SPTA1: variants seen among roughly 807,000 people sequenced by gnomAD.
SPTA1 encodes the protein spectrin alpha, erythrocytic 1, also known as spectrin alpha chain, erythrocytic 1.
A neutral mutation model predicts 324.7 loss-of-function variants in SPTA1; 177 were observed. The observed-to-expected ratio is 0.55, with a 90% CI of 0.48 to 0.62. The LOEUF (loss-of-function observed/expected upper bound fraction) is 0.62. SPTA1 is among the 20% of genes least tolerant of loss of function. The pLI, the probability that SPTA1 is intolerant of heterozygous loss-of-function variation, is 0.00. For synonymous variants in SPTA1, 1,195 were observed against 1,041.3 expected, an observed-to-expected ratio of 1.15 and a Z score of -2.84; for missense variants, 3,162 against 2,883.6, an observed-to-expected ratio of 1.10 and a Z score of -2.21.
chr1:158,677,903 A>G, intron 6 of SPTA1, 69 bp from the exon 7 acceptor site: 3 of 1,599,630 alleles, frequency 1.9e-6, no homozygotes, highest in Non-Finnish European at 1.7e-6. Flanking sequence ...GTCCAACAGA[A>G]CTCACAGCAA....
At chr1:158,639,761 C>T in intron 34 of SPTA1, 75 bp from the exon 35 acceptor site, 1 of 1,608,668 alleles carries the variant, frequency 6.2e-7, no homozygotes, top group East Asian at 2.2e-5. Context: ...GCAGCTATGT[C>T]CCCAAACTTT....
chr1:158,627,506 G>C lies in SPTA1; in HGVS notation c.5664+119C>G, dbSNP rs41523545. On this transcript the variant is annotated intron_variant, in intron 40 of 51. Coordinates refer to ENST00000643759, the MANE Select transcript of SPTA1 (RefSeq NM_003126.4). ...AACAAAAGGCAGTTTAGAAGAGATT[G>C]TTAAAGTTCTGCATATGATCTTAGC... 0.028 allele frequency: 27,237 copies of C among 975,264 alleles called. 1,083 individuals are homozygous for C. Among genetic ancestry groups the C allele is most frequent in the African/African-American group, 0.15 (9,161 of 62,608 alleles). The allele number at this position is 975,264 out of a possible 1,614,324, so 60.4% of individuals were successfully genotyped here. A position where few individuals can be genotyped will look rare whatever the true frequency, so the allele number is the denominator to read the frequency against.
chr1:158,670,203 TCTCTAG>T (rs1388550825), intron 12 of SPTA1, among the ~76,000 whole-genome samples: 1 of 152,294 alleles, frequency 6.6e-6, no homozygotes, highest in African/African-American at 2.4e-5. Flanking sequence ...TCTCCTTCTA[TCTCTAG>T]CTCTAGCTAT....
At chr1:158,626,007 G>T (rs1027487741) in intron 42 of SPTA1, 139 bp downstream of exon 42, 13 of 667,748 alleles carry the variant, frequency 1.9e-5, no homozygotes, top group East Asian at 2.9e-5. Context: ...TAATAATTAG[G>T]AAATTATTAA....
chr1:158,642,369 C>G (rs747154157), intron 33 of SPTA1, 42 bp downstream of exon 33: 1 of 1,604,588 alleles, frequency 6.2e-7, no homozygotes, highest in Non-Finnish European at 8.5e-7. Context: ...AATGATTCCT[C>G]TTCATGTGAC....
intron 50 of SPTA1, among the ~76,000 whole-genome samples, 168 bp from the exon 51 acceptor site, chr1:158,613,129 C>A (rs1649360279): frequency 6.6e-6 from 1 of 152,034 alleles, no homozygotes; most frequent in African/African-American, 2.4e-5. Context: ...TTTGGCTCCC[C>A]TTCATCACCC....
At chr1:158,660,900 T>G (rs1028273033) in intron 18 of SPTA1, among the ~76,000 whole-genome samples, 3 of 152,220 alleles carry the variant, frequency 2.0e-5, no homozygotes, top group African/African-American at 4.8e-5. Flanking sequence ...TAAAAATAGT[T>G]CAACACTGCA....
At chr1:158,638,281 G>A (rs1651246167) in intron 35 of SPTA1, 40 bp from the exon 36 acceptor site, 1 of 1,585,954 alleles carries the variant, frequency 6.3e-7, no homozygotes, top group Non-Finnish European at 8.6e-7. Context: ...GTATAGTATA[G>A]GCATTACTCA....
chr1:158,650,493 T>C (rs1041999025), intron 24 of SPTA1, among the ~76,000 whole-genome samples: 24 of 152,204 alleles, frequency 1.6e-4, no homozygotes, highest in Non-Finnish European at 3.4e-4. Context: ...ATTAGATCTT[T>C]TATGGAATCA....
intron 30 of SPTA1, 69 bp downstream of exon 30, chr1:158,644,184 C>A: frequency 4.4e-6 from 7 of 1,576,988 alleles, no homozygotes; most frequent in Non-Finnish European, 6.1e-6. Context: ...TAAAACCAGA[C>A]AAATGTGTAG....
chr1:158,667,764 T>C (rs763776650), intron 15 of SPTA1, 94 bp downstream of exon 15: 149 of 1,389,854 alleles, frequency 1.1e-4, no homozygotes, highest in Admixed American at 6.4e-4. Context: ...TACCTTCTCA[T>C]AGAGGCCACC....
At chr1:158,650,003 T>C (rs181827075) in intron 24 of SPTA1, 56 bp from the exon 25 acceptor site, 13 of 1,225,860 alleles carry the variant, frequency 1.1e-5, no homozygotes, top group African/African-American at 7.4e-5. Context: ...CATGGCTCAG[T>C]GGCGTCTGAA....
At chr1:158,616,315 C>A (rs1164734997) in intron 47 of SPTA1, among the ~76,000 whole-genome samples, 1 of 152,102 alleles carries the variant, frequency 6.6e-6, no homozygotes, top group Non-Finnish European at 1.5e-5. Flanking sequence ...AAACTATGGT[C>A]ACCCTACTGG....
chr1:158,659,549 C>T (rs1653049601), intron 18 of SPTA1, among the ~76,000 whole-genome samples: 3 of 149,248 alleles, frequency 2.0e-5, no homozygotes, highest in Non-Finnish European at 4.5e-5. Flanking sequence ...CCATTCTATG[C>T]TTATAAAAGA....
chr1:158,683,023 C>T (rs1654918032), intron 3 of SPTA1, among the ~76,000 whole-genome samples: 4 of 152,016 alleles, frequency 2.6e-5, no homozygotes. Context: ...AGTTAAGAGA[C>T]AAGGACATTG....
intron 21 of SPTA1, among the ~76,000 whole-genome samples, chr1:158,653,747 T>C (rs1462597365): frequency 1.3e-5 from 2 of 152,206 alleles, no homozygotes; most frequent in Admixed American, 1.3e-4. Context: ...GGAGCCAGGC[T>C]CTAGCTGGAT....
Position 158,685,347 on chromosome 1 carries a change from C to T in SPTA1, c.25G>A (p.Val9Ile), listed in dbSNP as rs111321033. Reference sequence around the variant, plus strand: ...ACCTTTGGCCCACTGCTCTCCACAACCTGCAAGTTAAAAAGATTCTGTTAC... The same window carrying T: ...ACCTTTGGCCCACTGCTCTCCACAATCTGCAAGTTAAAAAGATTCTGTTAC... MEQFPKET[V>I]VESSGPKVLE... Residue 9 changes from valine to isoleucine, a missense_variant and splice_region_variant, in exon 2 of 52, where the codon GTT becomes ATT. Physicochemically the swap from Val to Ile is conservative, Grantham distance 29. Transcript: ENST00000643759. 5 of 1,612,938 alleles carry T rather than the reference C, an allele frequency of 3.1e-6. No individual in the cohort carries two copies. Among genetic ancestry groups the T allele is most frequent in the African/African-American group, 2.7e-5 (2 of 74,896 alleles).
At position 158,611,386 on chromosome 1, in the gene SPTA1, G is replaced by T. The variant is rs1319686011; in HGVS notation, c.7138C>A (p.Leu2380Ile). Reference protein sequence around the residue: ...YITKEDMKQALTPEQVSFCAT... With the variant: ...YITKEDMKQAITPEQVSFCAT... Reference sequence around the variant, plus strand: ...CAGAATGACACTTGCTCTGGGGTAAGGGCCTGAAAAGTATAAAAAGAGAAA... The same window carrying T: ...CAGAATGACACTTGCTCTGGGGTAATGGCCTGAAAAGTATAAAAAGAGAAA... Residue 2380 changes from leucine to isoleucine, a missense_variant, in exon 52 of 52, where the codon CTT becomes ATT. Transcript: ENST00000643759. The T allele has an allele frequency of 3.1e-6, 5 of 1,613,594 alleles. No homozygotes were observed. Among genetic ancestry groups the T allele is most frequent in the Non-Finnish European group, 4.2e-6 (5 of 1,179,616 alleles).
chr1:158,656,265 A>G (rs1571466138), intron 20 of SPTA1, among the ~76,000 whole-genome samples: 1 of 152,240 alleles, frequency 6.6e-6, no homozygotes, highest in African/African-American at 2.4e-5. Context: ...TAAGAAGGAG[A>G]GACATAAATG....
Sources: gnomAD v4.1 joint callset for allele counts (sites outside exome capture counted in the v4.1 genomes callset) on GRCh38, gnomAD v4.1.1 for gene constraint, MANE v1.5 for transcripts, NCBI Gene and HGNC (gene_info 2026-07-23, HGNC 2026-07-21) for gene names.